SPATA1: variants seen among roughly 807,000 people sequenced by gnomAD.
The protein encoded by SPATA1 is spermatogenesis-associated protein 1.
Under a neutral mutation model 59.6 loss-of-function variants are expected in SPATA1, and 57 were observed. The ratio of observed to expected loss-of-function variants is 0.96; its 90% CI spans 0.77 to 1.19. The LOEUF is 1.19. SPATA1 is among the 50% of genes most tolerant of loss of function. The pLI is 0.00. For synonymous variants in SPATA1, 147 were observed against 163.9 expected, an observed-to-expected ratio of 0.90 and a Z score of 0.79; for missense variants, 448 against 480.7, an observed-to-expected ratio of 0.93 and a Z score of 0.64.
chr1:84,509,971 C>T (rs11163989), intron 1 of SPATA1, among the ~76,000 whole-genome samples: 11,036 of 152,016 alleles, frequency 0.073, 778 homozygotes, highest in African/African-American at 0.18. Flanking sequence ...GTAGATTTCT[C>T]GAACCCAGGA....
intron 1 of SPATA1, among the ~76,000 whole-genome samples, chr1:84,513,064 T>A (rs1682639971): frequency 6.6e-6 from 1 of 152,262 alleles, no homozygotes; most frequent in Non-Finnish European, 1.5e-5. Context: ...ATTTAGTATA[T>A]GATTTGGTTA....
chr1:84,558,324 C>G (rs1032687738), downstream of SPATA1, among the ~76,000 whole-genome samples: 1 of 150,466 alleles, frequency 6.6e-6, no homozygotes, highest in Non-Finnish European at 1.5e-5. Flanking sequence ...GAGTCTCGCT[C>G]TGTCGCCCAG....
downstream of SPATA1, chr1:84,554,949 C>T (rs1684384814): frequency 7.0e-7 from 1 of 1,433,106 alleles, no homozygotes; most frequent in African/African-American, 1.4e-5. Context: ...GAAACTAGAT[C>T]TGTTGATACA....
intron 8 of SPATA1, among the ~76,000 whole-genome samples, chr1:84,537,138 A>G (rs1279694544): frequency 2.0e-5 from 3 of 151,932 alleles, no homozygotes; most frequent in Non-Finnish European, 4.4e-5. Context: ...TCGGCCTCCC[A>G]AAGTGCTGAA....
At chr1:84,509,447 C>T (rs1364153439) in intron 1 of SPATA1, among the ~76,000 whole-genome samples, 2 of 152,174 alleles carry the variant, frequency 1.3e-5, no homozygotes, top group Non-Finnish European at 2.9e-5. Flanking sequence ...AATCTAAGAC[C>T]TCAAACTATG....
intron 4 of SPATA1, among the ~76,000 whole-genome samples, chr1:84,524,675 T>C (rs1470105037): frequency 6.6e-6 from 1 of 152,156 alleles, no homozygotes; most frequent in Non-Finnish European, 1.5e-5. Context: ...AAATCACTTC[T>C]CCCTGATTTT....
intron 8 of SPATA1, among the ~76,000 whole-genome samples, chr1:84,542,124 C>A (rs1348580310): frequency 4.6e-5 from 7 of 152,004 alleles, no homozygotes; most frequent in African/African-American, 1.2e-4. Context: ...ACACCACACC[C>A]GACTAAGTTT....
At chr1:84,559,184 G>A (rs1684536465), downstream of SPATA1, among the ~76,000 whole-genome samples, 1 of 152,104 alleles carries the variant, frequency 6.6e-6, no homozygotes, top group Non-Finnish European at 1.5e-5. Context: ...TTTTGTGTCT[G>A]TGTCACATTT....
At chr1:84,542,465 A>G (rs912005059) in intron 8 of SPATA1, among the ~76,000 whole-genome samples, 2 of 151,936 alleles carry the variant, frequency 1.3e-5, no homozygotes, top group East Asian at 3.9e-4. Flanking sequence ...TGTTTTTCAA[A>G]TCCTTTCTTT....
At chr1:84,524,630 C>T (rs899760689) in intron 4 of SPATA1, among the ~76,000 whole-genome samples, 1 of 152,160 alleles carries the variant, frequency 6.6e-6, no homozygotes, top group Non-Finnish European at 1.5e-5. Flanking sequence ...ATATGGCAGA[C>T]TCATTTCTGA....
At chr1:84,530,716 G>A (rs1683432854) in intron 6 of SPATA1, among the ~76,000 whole-genome samples, 1 of 152,204 alleles carries the variant, frequency 6.6e-6, no homozygotes, top group African/African-American at 2.4e-5. Flanking sequence ...AGAAGTTAGA[G>A]AAATAACTTA....
chr1:84,516,099 G>T (rs1682782087), intron 1 of SPATA1, 124 bp from the exon 2 acceptor site: 1 of 365,448 alleles, frequency 2.7e-6, no homozygotes, highest in African/African-American at 2.1e-5. Flanking sequence ...TTATTACACA[G>T]TCCTATTTAC....
At chr1:84,564,291 A>G (rs1684647859) in intron 4 of SPATA1, among the ~76,000 whole-genome samples, 1 of 152,230 alleles carries the variant, frequency 6.6e-6, no homozygotes, top group Non-Finnish European at 1.5e-5. Context: ...AGCTGGGGAT[A>G]AGAAATGTGT....
chr1:84,535,887 C>T (rs6576712), intron 8 of SPATA1, among the ~76,000 whole-genome samples: 25,223 of 152,076 alleles, frequency 0.17, 3,859 homozygotes, highest in African/African-American at 0.4. Flanking sequence ...TTGCTTTCAG[C>T]GTAGTTCTGG....
intron 12 of SPATA1, chr1:84,551,599 T>C (rs1459398626): frequency 6.6e-6 from 1 of 152,172 alleles, no homozygotes; most frequent in Non-Finnish European, 1.5e-5. Context: ...GCTTCTACTA[T>C]ACTGGACAGT....
At chr1:84,508,225 A>G (rs1288550879) in intron 1 of SPATA1, among the ~76,000 whole-genome samples, 1 of 151,772 alleles carries the variant, frequency 6.6e-6, no homozygotes, top group Non-Finnish European at 1.5e-5. Context: ...CAGAGGTTGC[A>G]GTGAGCCGAG....
intron 4 of SPATA1, among the ~76,000 whole-genome samples, chr1:84,561,801 T>C (rs2102023067): frequency 6.6e-6 from 1 of 152,386 alleles, no homozygotes; most frequent in Admixed American, 6.5e-5. Flanking sequence ...TATCATTTTT[T>C]TAGCAATAAA....
intron 12 of SPATA1, chr1:84,551,784 A>G (rs1341018010): frequency 6.6e-6 from 1 of 152,154 alleles, no homozygotes; most frequent in Non-Finnish European, 1.5e-5. Flanking sequence ...AAAACTGTCT[A>G]TTCAATATAT....
At chr1:84,514,459 G>C (rs185756241) in intron 1 of SPATA1, among the ~76,000 whole-genome samples, 2 of 152,030 alleles carry the variant, frequency 1.3e-5, no homozygotes, top group East Asian at 1.9e-4. Context: ...GCATTATATC[G>C]GTTAAACAAT....
Sources: gnomAD v4.1 joint callset for allele counts (sites outside exome capture counted in the v4.1 genomes callset) on GRCh38, gnomAD v4.1.1 for gene constraint, MANE v1.5 for transcripts, NCBI Gene and HGNC (gene_info 2026-07-23, HGNC 2026-07-21) for gene names.